Variants in ARIH1 observed in about 807,000 individuals in gnomAD.
ARIH1 encodes the protein E3 ubiquitin-protein ligase ARIH1.
ARIH1 carries 8 observed loss-of-function variants against 85.0 expected under a neutral mutation model. The ratio of observed to expected loss-of-function variants is 0.09; its 90% confidence interval spans 0.06 to 0.17. The LOEUF (loss-of-function observed/expected upper bound fraction) is 0.17, where lower values mean the gene tolerates loss of function less well. Among genes scored for constraint, ARIH1 ranks in the 10% least tolerant of loss-of-function variants. The pLI is 1.00. For missense variants in ARIH1, 311 were observed against 718.1 expected (o/e 0.43, Z 6.48); for synonymous variants, 238 against 253.6 (o/e 0.94, Z 0.59).
chr15:72,522,478 C>T (rs2140413372), intron 2 of ARIH1, among the ~76,000 whole-genome samples: 1 of 152,124 alleles, frequency 6.6e-6, no homozygotes, highest in South Asian at 2.1e-4. Flanking sequence ...TGAGATTGTG[C>T]CATTGCACTA....
chr15:72,553,078 G>A (rs1379677096), intron 3 of ARIH1, among the ~76,000 whole-genome samples: 1 of 152,044 alleles, frequency 6.6e-6, no homozygotes, highest in Non-Finnish European at 1.5e-5. Flanking sequence ...CCCGGCCTAG[G>A]GAGGCTTATT....
Position 72,474,886 on chromosome 15 carries a change from G to C in ARIH1, c.247G>C (p.Gly83Arg). 1 of 1,429,204 alleles carries C rather than the reference G, an allele frequency of 7.0e-7. No individual in the cohort carries two copies. Among genetic ancestry groups the C allele is most frequent in the South Asian group, 1.5e-5 (1 of 65,926 alleles). 88.5% of individuals were successfully genotyped at this position (1,429,204 alleles called of 1,614,324 possible). The part of the protein sequence containing the change: ...ALGPGGGGGG[G>R]GGGGGGGPGH... ...GGGGCCCGGCGGTGGCGGCGGCGGC[G>C]GCGGCGGCGGTGGTGGTGGCGGGCC... The change falls in exon 1 of 14, where the codon GGC (glycine) becomes CGC (arginine). Residue 83 changes from glycine to arginine, a missense_variant. Transcript: ENST00000379887.
intron 3 of ARIH1, among the ~76,000 whole-genome samples, chr15:72,553,477 G>A (rs533950466): frequency 3.5e-4 from 53 of 152,180 alleles, no homozygotes; most frequent in African/African-American, 9.9e-4. Context: ...GTGTGCCATC[G>A]CCATAATTTT....
chr15:72,541,276 A>T (rs776891413), intron 2 of ARIH1, among the ~76,000 whole-genome samples: 1 of 152,192 alleles, frequency 6.6e-6, no homozygotes, highest in Non-Finnish European at 1.5e-5. Context: ...GCCCTGCCTC[A>T]GCTTCTCTCC....
intron 2 of ARIH1, among the ~76,000 whole-genome samples, chr15:72,534,116 C>A (rs1303989891): frequency 6.6e-6 from 1 of 151,710 alleles, no homozygotes; most frequent in African/African-American, 2.4e-5. Context: ...AGAAAAGGAC[C>A]CCAAGTAATA....
intron 1 of ARIH1, among the ~76,000 whole-genome samples, chr15:72,481,041 G>A (rs1357558898): frequency 6.6e-6 from 1 of 152,182 alleles, no homozygotes; most frequent in Non-Finnish European, 1.5e-5. Flanking sequence ...TCATTAATTG[G>A]GAGAGGAGGA....
At chr15:72,514,103 G>A (rs369855761) in intron 1 of ARIH1, among the ~76,000 whole-genome samples, 1 of 151,438 alleles carries the variant, frequency 6.6e-6, no homozygotes, top group Non-Finnish European at 1.5e-5. Flanking sequence ...GCCTCCCAAA[G>A]CACTGAAATT....
rs1021591356 is a variant in ARIH1 at position 72,586,979 on chromosome 15, G to A, written c.*3687G>A. On this transcript the variant is annotated 3_prime_UTR_variant, in exon 14 of 14. Coordinates refer to ENST00000379887, the MANE Select transcript of ARIH1 (RefSeq NM_005744.5). ...ATGAAGGGAGAGTTTTCTTAAAGAA[G>A]GTCCCAAAGTTGAAGATCGTTTGTC... 3.3e-5 allele frequency: 11 copies of A among 337,688 alleles called. No individual in the cohort carries two copies. Among genetic ancestry groups the A allele is most frequent in the Admixed American group, 2.2e-4 (5 of 22,476 alleles). The allele number at this position is 337,688 out of a possible 1,614,324, so 20.9% of individuals were successfully genotyped here. A position where few individuals can be genotyped will look rare whatever the true frequency, so the allele number is the denominator to read the frequency against.
intron 3 of ARIH1, among the ~76,000 whole-genome samples, chr15:72,547,522 C>G (rs1011424659): frequency 3.9e-5 from 6 of 152,178 alleles, no homozygotes; most frequent in African/African-American, 1.4e-4. Context: ...TGTGCACCAC[C>G]GCACCCAACA....
intron 1 of ARIH1, among the ~76,000 whole-genome samples, chr15:72,477,864 C>T (rs117525366): frequency 0.031 from 4,707 of 152,092 alleles, 118 homozygotes; most frequent in East Asian, 0.12. Flanking sequence ...GTAGTGCAGT[C>T]GCGTGATCTC....
chr15:72,531,967 T>C (rs980371618), intron 2 of ARIH1, among the ~76,000 whole-genome samples: 2 of 152,186 alleles, frequency 1.3e-5, no homozygotes, highest in Non-Finnish European at 2.9e-5. Context: ...TCTTGCAGAA[T>C]GTTGTACTTT....
chr15:72,475,204 G>C (rs2063789648), intron 1 of ARIH1, 190 bp downstream of exon 1: 1 of 1,256,936 alleles, frequency 8.0e-7, no homozygotes, highest in African/African-American at 1.6e-5. Context: ...TTAGCCGGGT[G>C]TGGGGAGGTG....
In ARIH1 at chr15:72,586,523, C is replaced by CT. The variant is rs1191785930; in HGVS notation, c.*3232dup. 6.6e-6 allele frequency: 1 copy of CT among 152,186 alleles called. No individual in the cohort carries two copies. Among genetic ancestry groups the CT allele is most frequent in the Non-Finnish European group, 1.5e-5 (1 of 68,038 alleles). 9.4% of individuals were successfully genotyped at this position (152,186 alleles called of 1,614,324 possible). On this transcript the variant is annotated 3_prime_UTR_variant, in exon 14 of 14. Coordinates refer to ENST00000379887, the MANE Select transcript of ARIH1 (RefSeq NM_005744.5). ...GGTTGCCCAGAGGGAAAGAACATTCCTAATTCTAATAAAATAAACTTTTAT... is the reference window on the plus strand; with the variant it reads ...GGTTGCCCAGAGGGAAAGAACATTCCTTAATTCTAATAAAATAAACTTTTAT...
chr15:72,566,491 A>G (rs1273786651), intron 7 of ARIH1, 72 bp from the exon 8 acceptor site: 1 of 1,243,728 alleles, frequency 8.0e-7, no homozygotes, highest in Non-Finnish European at 1.2e-6. Context: ...ATAAGGCATG[A>G]AATGATTGGC....
chr15:72,515,817 C>T (rs2140409730), intron 1 of ARIH1, among the ~76,000 whole-genome samples: 1 of 152,230 alleles, frequency 6.6e-6, no homozygotes, highest in African/African-American at 2.4e-5. Flanking sequence ...AGATAGCTTG[C>T]AGCTGGGCCC....
At chr15:72,476,004 G>T (rs1482184471) in intron 1 of ARIH1, among the ~76,000 whole-genome samples, 1 of 152,116 alleles carries the variant, frequency 6.6e-6, no homozygotes, top group Non-Finnish European at 1.5e-5. Flanking sequence ...GAATAAAAAT[G>T]AAGCTTGATT....
At chr15:72,541,759 CTT>C (rs1465211710) in intron 2 of ARIH1, among the ~76,000 whole-genome samples, 2 of 152,172 alleles carry the variant, frequency 1.3e-5, no homozygotes, top group Non-Finnish European at 2.9e-5. Context: ...GTCAGTTACT[CTT>C]TAAGAAGAAA....
chr15:72,524,478 T>A (rs1214137271), intron 2 of ARIH1, among the ~76,000 whole-genome samples: 1 of 152,168 alleles, frequency 6.6e-6, no homozygotes, highest in Non-Finnish European at 1.5e-5. Context: ...CCTCCCAAAG[T>A]GCTGTGTGAG....
intron 1 of ARIH1, among the ~76,000 whole-genome samples, chr15:72,492,819 G>A (rs2063864863): frequency 6.6e-6 from 1 of 152,058 alleles, no homozygotes; most frequent in Non-Finnish European, 1.5e-5. Context: ...GGTGAAAATA[G>A]GACTTTTAAA....
Sources: gnomAD v4.1 joint callset for allele counts (sites outside exome capture counted in the v4.1 genomes callset) on GRCh38, gnomAD v4.1.1 for gene constraint, MANE v1.5 for transcripts, NCBI Gene and HGNC (gene_info 2026-07-23, HGNC 2026-07-21) for gene names.